Variants in RHOQ observed in about 807,000 individuals in gnomAD.
The protein encoded by RHOQ is rho-related GTP-binding protein RhoQ.
RHOQ carries 7 observed loss-of-function variants against 25.8 expected under a neutral mutation model. The ratio of observed to expected loss-of-function variants is 0.27; its 90% CI spans 0.15 to 0.51. RHOQ has a LOEUF of 0.51. Ranked by LOEUF, RHOQ falls within the 20% of genes least tolerant of loss-of-function variation. The probability of loss-of-function intolerance (pLI) is 0.97; values close to 1 mark genes in which losing one functional copy is unlikely to be tolerated. For missense variants in RHOQ, 165 were observed against 260.6 expected, an observed-to-expected ratio of 0.63 and a Z score of 2.53; for synonymous variants, 97 against 98.6, an observed-to-expected ratio of 0.98 and a Z score of 0.10.
chr2:46,550,369 T>C (rs1258144247), intron 2 of RHOQ, among the ~76,000 whole-genome samples: 1 of 152,252 alleles, frequency 6.6e-6, no homozygotes, highest in Non-Finnish European at 1.5e-5. Flanking sequence ...AAAGCTTCAC[T>C]AATACAGTAG....
intron 2 of RHOQ, among the ~76,000 whole-genome samples, chr2:46,546,531 T>TGTATATATATATATATATAC (rs1668075433): frequency 1.1e-5 from 1 of 93,848 alleles, no homozygotes; most frequent in Non-Finnish European, 2.0e-5. Flanking sequence ...TATATATATA[T>TGTATATATATATATATATAC]ACACAAATCC....
intron 2 of RHOQ, among the ~76,000 whole-genome samples, chr2:46,544,657 G>T (rs1327194507): frequency 6.6e-6 from 1 of 152,232 alleles, no homozygotes; most frequent in Non-Finnish European, 1.5e-5. Context: ...TTGCTCTGGG[G>T]ATAAGTTGTG....
intron 2 of RHOQ, among the ~76,000 whole-genome samples, chr2:46,561,011 C>T (rs1197135129): frequency 2.7e-5 from 4 of 150,502 alleles, no homozygotes; most frequent in African/African-American, 9.8e-5. Context: ...AACACACACA[C>T]ACACACACAC....
rs980346299 is a variant in RHOQ, at chr2:46,583,306, T to A, written c.*2223T>A. 6.6e-6 allele frequency among the ~76,000 whole-genome samples: 1 copy of A among 152,200 alleles called. No homozygotes were observed. Among genetic ancestry groups the A allele is most frequent in the African/African-American group, 2.4e-5 (1 of 41,460 alleles). ...CACCTGTTTCTTGACTGGGATTTGG[T>A]TTCCTCATTATAAATATGGGAGGTA... On this transcript the variant is annotated 3_prime_UTR_variant, in exon 5 of 5. Transcript: ENST00000238738.
chr2:46,542,976 G>A lies in RHOQ; in HGVS notation c.-71G>A. 6.5e-6 allele frequency: 8 copies of A among 1,231,712 alleles called. No individual in the cohort carries two copies. The highest frequency in any genetic ancestry group is 8.4e-6 in the Non-Finnish European group (8 of 953,056). 76.3% of individuals were successfully genotyped at this position (1,231,712 alleles called of 1,614,324 possible). A position where few individuals can be genotyped will look rare whatever the true frequency, so the allele number is the denominator to read the frequency against. ...GCGACGGCGGCGGACCCCCCAGGCG[G>A]GCTGGGGCTGAGCCCGGGGCCGGGG... On this transcript the variant is annotated 5_prime_UTR_variant, in exon 1 of 5. Transcript: ENST00000238738.
intron 4 of RHOQ, among the ~76,000 whole-genome samples, chr2:46,577,685 G>A (rs549519117): frequency 3.1e-4 from 46 of 150,118 alleles, no homozygotes; most frequent in Non-Finnish European, 6.4e-4. Flanking sequence ...AAAGTGCTAG[G>A]ATTACAGGCA....
chr2:46,546,453 T>C (rs1351230805), intron 2 of RHOQ, among the ~76,000 whole-genome samples: 3 of 4,818 alleles, frequency 6.2e-4, no homozygotes, highest in African/African-American at 7.8e-4. Flanking sequence ...CACATATACA[T>C]ATATATATAT....
At position 46,584,435 on chromosome 2, in the gene RHOQ, G is replaced by T. The variant is rs541935720; in HGVS notation, c.*3352G>T. Among the ~76,000 whole-genome samples the T allele has an allele frequency of 6.6e-6, 1 of 152,138 alleles. No individual in the cohort carries two copies. The highest frequency in any genetic ancestry group is 1.5e-5 in the Non-Finnish European group (1 of 67,964). On this transcript the variant is annotated 3_prime_UTR_variant, in exon 5 of 5. Coordinates refer to ENST00000238738, the MANE Select transcript of RHOQ (RefSeq NM_012249.4). Reference sequence around the variant, plus strand: ...TGAATCCCAGCTAGATTCCAATTTGGGTTACTAAATTGTATTTTAATCATT... The same window carrying T: ...TGAATCCCAGCTAGATTCCAATTTGTGTTACTAAATTGTATTTTAATCATT...
intron 2 of RHOQ, among the ~76,000 whole-genome samples, chr2:46,550,680 T>C (rs1347628258): frequency 6.6e-6 from 1 of 152,262 alleles, no homozygotes; most frequent in Non-Finnish European, 1.5e-5. Context: ...TCTGTGAGCC[T>C]CTCTTCCTTC....
At position 46,556,592 on chromosome 2, in the gene RHOQ, T is replaced by C. The variant is rs1668417614; in HGVS notation, c.201+12780T>C. ...CTCTCCCACCCCAACCACACCCTAA[T>C]AGCTTTATTTATCAAACATATAAAT... On this transcript the variant is annotated intron_variant, in intron 2 of 4. Coordinates refer to ENST00000238738, the MANE Select transcript of RHOQ (RefSeq NM_012249.4). The surrounding 1 kb of genome is among the most constrained non-coding windows in gnomAD (Gnocchi z 4.9). Among the ~76,000 whole-genome samples, 1 of 152,048 alleles carries C rather than the reference T, an allele frequency of 6.6e-6. No individual in the cohort carries two copies. Among genetic ancestry groups the C allele is most frequent in the Non-Finnish European group, 1.5e-5 (1 of 67,994 alleles).
intron 2 of RHOQ, among the ~76,000 whole-genome samples, 199 bp downstream of exon 2, chr2:46,544,011 C>G (rs945636095): frequency 5.3e-5 from 8 of 152,190 alleles, no homozygotes; most frequent in African/African-American, 1.4e-4. Context: ...TAAGCCCCCC[C>G]CATGTGAACC....
chr2:46,544,224 G>C (rs151273217), intron 2 of RHOQ, among the ~76,000 whole-genome samples: 1 of 152,316 alleles, frequency 6.6e-6, no homozygotes, highest in East Asian at 1.9e-4. Flanking sequence ...TGATTGGTGG[G>C]AAATGGCATC....
intron 2 of RHOQ, among the ~76,000 whole-genome samples, chr2:46,546,159 C>T (rs554406654): frequency 4.7e-4 from 71 of 151,940 alleles, no homozygotes; most frequent in Non-Finnish European, 5.3e-4. Flanking sequence ...TGCTGTGTAC[C>T]TGGTACTATG....
chr2:46,564,475 G>T lies in RHOQ; in HGVS notation c.202-11612G>T, dbSNP rs779623071. On this transcript the variant is annotated intron_variant, in intron 2 of 4. Coordinates refer to ENST00000238738, the MANE Select transcript of RHOQ (RefSeq NM_012249.4). ...GTTCTGTGCAAGCATGTCTGTGAGG[G>T]CATCCTGATTTCGCCTGCCGGGAAG... Among the ~76,000 whole-genome samples the T allele has an allele frequency of 2.0e-5, 3 of 152,316 alleles. No individual in the cohort carries two copies. In the East Asian group the frequency reaches 5.8e-4, roughly 29 times the overall value.
rs897331078 is a variant in RHOQ at position 46,581,402 on chromosome 2, T to C, written c.*319T>C. On this transcript the variant is annotated 3_prime_UTR_variant, in exon 5 of 5. Coordinates refer to ENST00000238738, the MANE Select transcript of RHOQ (RefSeq NM_012249.4). ...TAAAAAACAGAGCTGTAAATGGAAC[T>C]GCTTGGCTTTGACCATACACATTTC... 6.5e-7 allele frequency: 1 copy of C among 1,546,800 alleles called. No individual in the cohort carries two copies. Among genetic ancestry groups the C allele is most frequent in the African/African-American group, 1.4e-5 (1 of 72,892 alleles).
intron 2 of RHOQ, among the ~76,000 whole-genome samples, chr2:46,565,570 C>T (rs538879184): frequency 5.3e-5 from 8 of 152,178 alleles, no homozygotes; most frequent in Non-Finnish European, 7.4e-5. Flanking sequence ...GACATCTGGC[C>T]GAAAGTGACA....
chr2:46,562,249 A>C (rs1363112440), intron 2 of RHOQ, among the ~76,000 whole-genome samples: 13 of 152,070 alleles, frequency 8.5e-5, no homozygotes, highest in Admixed American at 8.5e-4. Context: ...CCACCACTTC[A>C]CCGAGAGCCT....
intron 2 of RHOQ, among the ~76,000 whole-genome samples, chr2:46,574,150 T>C (rs892819159): frequency 1.3e-5 from 2 of 152,074 alleles, no homozygotes; most frequent in Non-Finnish European, 2.9e-5. Flanking sequence ...TTAGTTGCAC[T>C]ATTTCATTTA....
At chr2:46,574,086 T>G (rs190059101) in intron 2 of RHOQ, among the ~76,000 whole-genome samples, 1 of 152,356 alleles carries the variant, frequency 6.6e-6, no homozygotes, top group Non-Finnish European at 1.5e-5. Context: ...ATAGAGAATT[T>G]ATGTTTAAGC....
Sources: allele counts gnomAD v4.1 joint callset (sites outside exome capture counted in the v4.1 genomes callset), GRCh38; gene constraint gnomAD v4.1.1; non-coding constraint Gnocchi (gnomAD v3.1); transcripts MANE v1.5; gene names NCBI Gene and HGNC (gene_info 2026-07-23, HGNC 2026-07-21).